The following DLG2 variants were observed in gnomAD, a reference collection of about 807,000 sequenced individuals.
DLG2 encodes discs large MAGUK scaffold protein 2.
In DLG2, 45 loss-of-function variants were observed where a neutral mutation model predicts 132.5. The ratio of observed to expected loss-of-function variants is 0.34; its 90% CI spans 0.27 to 0.44. DLG2 has a LOEUF of 0.44. Among genes scored for constraint, DLG2 ranks in the 20% least tolerant of loss-of-function variants. The pLI is 1.00. For missense variants in DLG2, 1,045 were observed against 1,196.9 expected, an observed-to-expected ratio of 0.87 and a Z score of 1.87; for synonymous variants, 424 against 419.6, an observed-to-expected ratio of 1.01 and a Z score of -0.13.
At chr11:84,202,958 C>A (rs2213114) in intron 8 of DLG2, among the ~76,000 whole-genome samples, 123,705 of 152,048 alleles carry the variant, frequency 0.81, 51,231 homozygotes, top group Middle Eastern at 0.93. Context: ...AAAAGTCAAA[C>A]AACAACAGTT....
chr11:83,846,964 T>C (rs1022081539), intron 16 of DLG2, among the ~76,000 whole-genome samples: 1 of 146,620 alleles, frequency 6.8e-6, no homozygotes, highest in Non-Finnish European at 1.5e-5. Flanking sequence ...AAAAAAAGGA[T>C]TACCCCTCTT....
At chr11:84,367,866 A>G (rs1244547604) in intron 7 of DLG2, among the ~76,000 whole-genome samples, 1 of 152,150 alleles carries the variant, frequency 6.6e-6, no homozygotes, top group African/African-American at 2.4e-5. Context: ...TAGTGACAGA[A>G]AATGGACTAA....
At chr11:85,611,412 C>G (rs2080991018) in intron 2 of DLG2, among the ~76,000 whole-genome samples, 1 of 152,228 alleles carries the variant, frequency 6.6e-6, no homozygotes, top group African/African-American at 2.4e-5. Context: ...AACCCTGCCA[C>G]TTTTCTCCCA....
chr11:85,305,220 A>C (rs961611247), intron 3 of DLG2, among the ~76,000 whole-genome samples: 1 of 152,222 alleles, frequency 6.6e-6, no homozygotes, highest in African/African-American at 2.4e-5. Context: ...GGTACTCTTT[A>C]AATGTCACAG....
At chr11:83,796,767 G>C (rs895612256) in intron 17 of DLG2, among the ~76,000 whole-genome samples, 4 of 152,252 alleles carry the variant, frequency 2.6e-5, no homozygotes, top group Admixed American at 1.3e-4. Context: ...TTTTTAAAAA[G>C]TATCCACTTA....
intron 3 of DLG2, among the ~76,000 whole-genome samples, chr11:85,366,824 A>G (rs1479816426): frequency 1.3e-5 from 2 of 152,144 alleles, no homozygotes; most frequent in Admixed American, 1.3e-4. Context: ...CTTGAATACT[A>G]TTAATCTTAT....
chr11:85,149,676 TATC>T (rs2077097008), intron 5 of DLG2, among the ~76,000 whole-genome samples: 1 of 152,184 alleles, frequency 6.6e-6, no homozygotes, highest in East Asian at 1.9e-4. Flanking sequence ...ATTAATATAA[TATC>T]ATTTCTGTAG....
At chr11:84,106,864 T>C (rs1442487618) in intron 9 of DLG2, among the ~76,000 whole-genome samples, 1 of 65,498 alleles carries the variant, frequency 1.5e-5, no homozygotes, top group African/African-American at 4.8e-5. Flanking sequence ...TGTGTGTGTA[T>C]GTGTGAGAGA....
At chr11:84,796,683 T>A (rs180822794) in intron 6 of DLG2, among the ~76,000 whole-genome samples, 1,580 of 130,198 alleles carry the variant, frequency 0.012, 22 homozygotes, top group Non-Finnish European at 0.018. Context: ...TAGGGTAATT[T>A]TTTTCCCCCT....
At chr11:84,657,824 A>G (rs962007896) in intron 6 of DLG2, among the ~76,000 whole-genome samples, 4 of 152,184 alleles carry the variant, frequency 2.6e-5, no homozygotes, top group Non-Finnish European at 5.9e-5. Flanking sequence ...CGCAGTCAAA[A>G]TTTAATATAG....
intron 6 of DLG2, among the ~76,000 whole-genome samples, chr11:84,787,491 C>T (rs1005618664): frequency 2.0e-5 from 3 of 152,102 alleles, no homozygotes; most frequent in African/African-American, 4.8e-5. Context: ...TGAAATCCCT[C>T]TCTCTACTCC....
intron 11 of DLG2, among the ~76,000 whole-genome samples, chr11:83,997,404 T>A (rs1339774002): frequency 2.0e-5 from 3 of 152,012 alleles, no homozygotes; most frequent in African/African-American, 7.2e-5. Flanking sequence ...GAAAATGTAG[T>A]CAGCCTTTAA....
At chr11:85,423,828 C>A (rs1212127878) in intron 3 of DLG2, among the ~76,000 whole-genome samples, 3 of 152,162 alleles carry the variant, frequency 2.0e-5, no homozygotes, top group Non-Finnish European at 2.9e-5. Context: ...GAAAGCATGG[C>A]TGAGAACTTG....
chr11:84,543,945 T>A (rs1316135095), intron 6 of DLG2, among the ~76,000 whole-genome samples: 1 of 152,220 alleles, frequency 6.6e-6, no homozygotes, highest in Non-Finnish European at 1.5e-5. Context: ...TTTGTGTGCT[T>A]CCAAGCAACG....
At chr11:84,755,448 G>A (rs1465713044) in intron 6 of DLG2, among the ~76,000 whole-genome samples, 1 of 152,004 alleles carries the variant, frequency 6.6e-6, no homozygotes, top group East Asian at 1.9e-4. Flanking sequence ...TTTTGAGACG[G>A]AGTCTCGCTC....
intron 4 of DLG2, among the ~76,000 whole-genome samples, chr11:85,250,968 A>T (rs1386588653): frequency 6.6e-6 from 1 of 152,192 alleles, no homozygotes; most frequent in African/African-American, 2.4e-5. Context: ...GGTCAAAGAC[A>T]TTTTGGAGAC....
intron 16 of DLG2, among the ~76,000 whole-genome samples, chr11:83,835,894 T>A (rs1243569186): frequency 1.3e-5 from 2 of 152,076 alleles, no homozygotes; most frequent in Non-Finnish European, 2.9e-5. Flanking sequence ...AAAGCCAACA[T>A]GAGATTGCAC....
At position 84,147,384 on chromosome 11, in the gene DLG2, A is replaced by C. The variant is rs903208550; in HGVS notation, c.624+16077T>G. Among the ~76,000 whole-genome samples, 3 of 152,202 alleles carry C rather than the reference A, an allele frequency of 2.0e-5. No homozygotes were observed. In the South Asian group the frequency reaches 6.2e-4, roughly 32 times the overall value. On this transcript the variant is annotated intron_variant, in intron 9 of 27. Coordinates refer to ENST00000376104, the MANE Select transcript of DLG2 (RefSeq NM_001142699.3). ...AGGAGGAGGATGCTTTTTAAAAAGAAGAGGTGCTTTTAATGCACGACAAAA... is the reference window on the plus strand; with the variant it reads ...AGGAGGAGGATGCTTTTTAAAAAGACGAGGTGCTTTTAATGCACGACAAAA...
At chr11:84,154,772 G>C (rs1164617120) in intron 9 of DLG2, among the ~76,000 whole-genome samples, 4 of 152,072 alleles carry the variant, frequency 2.6e-5, no homozygotes, top group Non-Finnish European at 4.4e-5. Flanking sequence ...CCCTGCGATA[G>C]TTTACTGAGA....
Sources: gnomAD v4.1 joint callset for allele counts (sites outside exome capture counted in the v4.1 genomes callset) on GRCh38, gnomAD v4.1.1 for gene constraint, MANE v1.5 for transcripts, NCBI Gene and HGNC (gene_info 2026-07-23, HGNC 2026-07-21) for gene names.